The following NRAP variants were observed in gnomAD, a reference collection of about 807,000 sequenced individuals.
NRAP encodes nebulin related anchoring protein.
NRAP carries 189 observed loss-of-function variants against 225.9 expected under a neutral mutation model. The observed-to-expected ratio is 0.84, with a 90% CI of 0.74 to 0.94. The LOEUF (loss-of-function observed/expected upper bound fraction) is 0.94, where lower values mean the gene tolerates loss of function less well. NRAP is among the 40% of genes least tolerant of loss of function. The pLI, the probability that NRAP is intolerant of heterozygous loss-of-function variation, is 0.00. For synonymous variants in NRAP, 769 were observed against 790.7 expected, an observed-to-expected ratio of 0.97 and a Z score of 0.46; for missense variants, 2,176 against 2,168.7, an observed-to-expected ratio of 1.00 and a Z score of -0.07.
At chr10:113,655,712 A>G (rs1850269370) in intron 4 of NRAP, among the ~76,000 whole-genome samples, 1 of 152,264 alleles carries the variant, frequency 6.6e-6, no homozygotes, top group East Asian at 1.9e-4. Flanking sequence ...GGCCTCCCAA[A>G]GTGCTAGGAT....
At chr10:113,637,006 C>CAAA (rs59937257) in intron 14 of NRAP, among the ~76,000 whole-genome samples, 2 of 89,290 alleles carry the variant, frequency 2.2e-5, no homozygotes, top group African/African-American at 4.3e-5. Flanking sequence ...GACTTCATCT[C>CAAA]AAAAAAAAAA....
In NRAP at chr10:113,657,458, C is replaced by A. The variant is rs200886550; in HGVS notation, c.360+12G>T. The A allele has an allele frequency of 5.6e-4, 765 of 1,374,034 alleles. 3 individuals carry two copies. Among genetic ancestry groups the A allele is most frequent in the Admixed American group, 3.0e-4 (18 of 59,302 alleles). The allele number at this position is 1,374,034 out of a possible 1,614,324, so 85.1% of individuals were successfully genotyped here. A position where few individuals can be genotyped will look rare whatever the true frequency, so the allele number is the denominator to read the frequency against. On this transcript the variant is annotated intron_variant, in intron 4 of 41. Coordinates refer to ENST00000359988, the MANE Select transcript of NRAP (RefSeq NM_198060.4). ...TTTCTTTTTCCAAACCCACTTGTCA[C>A]TTTTCTCTCACCTCATTTGCCAGTG... is the stretch of plus-strand genomic sequence containing the variant.
intron 39 of NRAP, 78 bp downstream of exon 39, chr10:113,592,116 T>C (rs1485904234): frequency 1.4e-5 from 11 of 764,476 alleles, no homozygotes; most frequent in Non-Finnish European, 2.4e-5. Flanking sequence ...CAGGTCCTGG[T>C]GGTTTGCCTT....
Position 113,588,754 on chromosome 10 carries a change from A to T in NRAP, c.*221T>A. On this transcript the variant is annotated 3_prime_UTR_variant, in exon 42 of 42. Coordinates refer to ENST00000359988, the MANE Select transcript of NRAP (RefSeq NM_198060.4). ...ATCACATCTTTATTCCTCAGCCCAG[A>T]CACTCGAGGCACTCAACAGAATCAG... 1 of 567,886 alleles carries T rather than the reference A, an allele frequency of 1.8e-6. No individual in the cohort carries two copies. The allele number at this position is 567,886 out of a possible 1,614,324, so 35.2% of individuals were successfully genotyped here. A position where few individuals can be genotyped will look rare whatever the true frequency, so the allele number is the denominator to read the frequency against.
chr10:113,651,554 A>G (rs1849970040), intron 7 of NRAP, among the ~76,000 whole-genome samples: 1 of 151,894 alleles, frequency 6.6e-6, no homozygotes, highest in Non-Finnish European at 1.5e-5. Context: ...ATGTGTTCTC[A>G]TTGCTCAGCT....
chr10:113,606,562 G>T (rs1238436859), intron 32 of NRAP, among the ~76,000 whole-genome samples: 1 of 152,188 alleles, frequency 6.6e-6, no homozygotes, highest in Non-Finnish European at 1.5e-5. Context: ...TACTCCTGAG[G>T]TTCCTTATAT....
chr10:113,593,152 G>T (rs998293098), intron 38 of NRAP, among the ~76,000 whole-genome samples: 3 of 152,140 alleles, frequency 2.0e-5, no homozygotes, highest in Non-Finnish European at 4.4e-5. Flanking sequence ...GGAGACAGCA[G>T]GAGAGGCGCA....
chr10:113,660,182 A>G lies in NRAP; in HGVS notation c.255+2497T>C, dbSNP rs555297424. Among the ~76,000 whole-genome samples the G allele has an allele frequency of 2.6e-5, 4 of 152,280 alleles. No homozygotes were observed. The South Asian group carries it at 8.3e-4, about 32-fold the overall frequency. ...ATATATACATACCACATATGCATAT[A>G]CATATCCCACATGCATGTACATATA... On this transcript the variant is annotated intron_variant, in intron 3 of 41. Coordinates refer to ENST00000359988, the MANE Select transcript of NRAP (RefSeq NM_198060.4).
chr10:113,629,861 A>G, intron 18 of NRAP, 76 bp from the exon 19 acceptor site: 1 of 1,044,828 alleles, frequency 9.6e-7, no homozygotes. Context: ...AAATGCAGGA[A>G]AGATTTCCGG....
chr10:113,590,516 G>T (rs1450040780), intron 40 of NRAP, 62 bp downstream of exon 40: 18 of 1,513,674 alleles, frequency 1.2e-5, no homozygotes, highest in Non-Finnish European at 1.5e-5. Context: ...TGGCATTATG[G>T]CCATCTCTTA....
chr10:113,650,028 A>T lies in NRAP; in HGVS notation c.888+9T>A, dbSNP rs753386195. ...AAAGAGCAGGTCAGGAGATCATTTTATCACATACCTGGCCATATTGGTCTG... is the reference window on the plus strand; with the variant it reads ...AAAGAGCAGGTCAGGAGATCATTTTTTCACATACCTGGCCATATTGGTCTG... On this transcript the variant is annotated intron_variant, in intron 9 of 41. Transcript: ENST00000359988. The T allele has an allele frequency of 2.7e-6, 4 of 1,507,358 alleles. No individual in the cohort carries two copies. The South Asian group carries it at 4.5e-5, about 17-fold the overall frequency. The allele number at this position is 1,507,358 out of a possible 1,614,324, so 93.4% of individuals were successfully genotyped here. A position where few individuals can be genotyped will look rare whatever the true frequency, so the allele number is the denominator to read the frequency against.
Position 113,622,101 on chromosome 10 carries a change from C to T in NRAP, c.2537G>A (p.Ser846Asn), listed in dbSNP as rs749203237. The T allele has an allele frequency of 6.2e-7, 1 of 1,614,116 alleles. No individual in the cohort carries two copies. Among genetic ancestry groups the T allele is most frequent in the Non-Finnish European group, 8.5e-7 (1 of 1,179,948 alleles). Residue 846 changes from serine to asparagine, a missense_variant, in exon 24 of 42, where the codon AGC (serine) becomes AAC (asparagine). By Grantham distance (46) the Ser-to-Asn change is conservative. Coordinates refer to ENST00000359988, the MANE Select transcript of NRAP (RefSeq NM_198060.4). ...AKDVQGDSQM[S>N]HSLQMSKLQS... ...CAGCTTGGACATTTGCAGTGAGTGGCTCATTTGCGAATCTCCCTGTACATC... is the reference window on the plus strand; with the variant it reads ...CAGCTTGGACATTTGCAGTGAGTGGTTCATTTGCGAATCTCCCTGTACATC...
chr10:113,654,004 AT>A lies in NRAP; in HGVS notation c.465+16del, dbSNP rs766524395. 6.6e-7 allele frequency: 1 copy of A among 1,525,758 alleles called. No homozygotes were observed. Among genetic ancestry groups the A allele is most frequent in the Non-Finnish European group, 9.1e-7 (1 of 1,099,810 alleles). The allele number at this position is 1,525,758 out of a possible 1,614,324, so 94.5% of individuals were successfully genotyped here. ...AATTGCTAAACCAATTCCTAAAGCA[AT>A]TTCTAGGGTGCTTACCTCACCAAGA... On this transcript the variant is annotated intron_variant, in intron 5 of 41. Coordinates refer to ENST00000359988, the MANE Select transcript of NRAP (RefSeq NM_198060.4).
At chr10:113,658,114 T>C (rs1261938253) in intron 3 of NRAP, among the ~76,000 whole-genome samples, 1 of 152,228 alleles carries the variant, frequency 6.6e-6, no homozygotes, top group Admixed American at 6.5e-5. Flanking sequence ...AGATCATTCT[T>C]GCTATGTTAA....
intron 18 of NRAP, 59 bp downstream of exon 18, chr10:113,631,450 G>T: frequency 9.3e-7 from 1 of 1,072,766 alleles, no homozygotes; most frequent in Non-Finnish European, 1.4e-6. Context: ...TAGGCCCAGG[G>T]AAAACTTTTA....
intron 41 of NRAP, chr10:113,589,395 C>G (rs1845798181): frequency 1.7e-6 from 1 of 575,102 alleles, no homozygotes; most frequent in African/African-American, 1.9e-5. Context: ...GCCTGGGCTG[C>G]CCTGGCCCGG....
chr10:113,621,736 G>T, intron 24 of NRAP, 133 bp downstream of exon 24: 1 of 772,350 alleles, frequency 1.3e-6, no homozygotes, highest in Non-Finnish European at 2.1e-6. Context: ...GTAAAGTGTT[G>T]CCACTTAGGG....
At chr10:113,643,105 G>A in intron 11 of NRAP, 67 bp from the exon 12 acceptor site, 1 of 769,584 alleles carries the variant, frequency 1.3e-6, no homozygotes, top group Non-Finnish European at 2.3e-6. Context: ...AATGTCCCAG[G>A]ACTTGACTAG....
intron 29 of NRAP, 27 bp from the exon 30 acceptor site, chr10:113,612,458 G>A (rs1459762682): frequency 1.9e-6 from 3 of 1,595,084 alleles, no homozygotes; most frequent in Non-Finnish European, 2.6e-6. Flanking sequence ...AGCAACAGCA[G>A]CTATTTCAAA....
Sources: gnomAD v4.1 joint callset for allele counts (sites outside exome capture counted in the v4.1 genomes callset) on GRCh38, gnomAD v4.1.1 for gene constraint, MANE v1.5 for transcripts, NCBI Gene and HGNC (gene_info 2026-07-23, HGNC 2026-07-21) for gene names.